Variants in NDUFS4 observed in about 807,000 individuals in gnomAD.
The protein encoded by NDUFS4 is NADH dehydrogenase [ubiquinone] iron-sulfur protein 4, mitochondrial.
NDUFS4 carries 28 observed loss-of-function variants against 24.3 expected under a neutral mutation model. The ratio of observed to expected loss-of-function variants is 1.15; its 90% confidence interval spans 0.85 to 1.58. The LOEUF (loss-of-function observed/expected upper bound fraction) is 1.58. Ranked by LOEUF, NDUFS4 falls within the 40% of genes most tolerant of loss-of-function variation. The pLI, the probability that NDUFS4 is intolerant of heterozygous loss-of-function variation, is 0.00. For synonymous variants in NDUFS4, 93 were observed against 69.7 expected, an observed-to-expected ratio of 1.34 and a Z score of -1.67; for missense variants, 223 against 207.9, an observed-to-expected ratio of 1.07 and a Z score of -0.45.
intron 4 of NDUFS4, among the ~76,000 whole-genome samples, chr5:53,665,880 A>G (rs539994103): frequency 7.7e-4 from 118 of 152,334 alleles, no homozygotes; most frequent in African/African-American, 2.4e-3. Flanking sequence ...CCGGTACCTC[A>G]GTTGGAAATG....
intron 2 of NDUFS4, among the ~76,000 whole-genome samples, chr5:53,629,265 C>T (rs565358123): frequency 6.6e-6 from 1 of 152,212 alleles, no homozygotes; most frequent in East Asian, 1.9e-4. Context: ...GATTTCTGTT[C>T]TTTTACATTT....
intron 1 of NDUFS4, among the ~76,000 whole-genome samples, chr5:53,571,950 A>G (rs1000932758): frequency 3.3e-5 from 5 of 152,224 alleles, no homozygotes; most frequent in Non-Finnish European, 4.4e-5. Flanking sequence ...ATGGGAAAAA[A>G]TATATCTCTC....
At chr5:53,590,726 G>T (rs79144023) in intron 1 of NDUFS4, among the ~76,000 whole-genome samples, 1 of 151,942 alleles carries the variant, frequency 6.6e-6, no homozygotes, top group Non-Finnish European at 1.5e-5. Context: ...TGTAAACCAG[G>T]GATTATCTGT....
At chr5:53,606,183 C>CA (rs1750498073) in intron 2 of NDUFS4, among the ~76,000 whole-genome samples, 1 of 151,718 alleles carries the variant, frequency 6.6e-6, no homozygotes, top group Non-Finnish European at 1.5e-5. Context: ...GACTCTGTCT[C>CA]AAAAAACAAA....
chr5:53,579,475 T>G (rs1749489886), intron 1 of NDUFS4, among the ~76,000 whole-genome samples: 1 of 152,174 alleles, frequency 6.6e-6, no homozygotes, highest in Non-Finnish European at 1.5e-5. Context: ...CCCCAGAACC[T>G]GAGAATGTTA....
In NDUFS4 at chr5:53,683,002, C is replaced by T. The variant is rs1056848632; in HGVS notation, c.425-116C>T. On this transcript the variant is annotated intron_variant, in intron 4 of 4. Transcript: ENST00000296684. ...TATCTCAGATGTGTTGACATATACT[C>T]TTGATGATAAATGAACATTAAGTTA... The T allele has an allele frequency of 3.8e-6, 3 of 787,882 alleles. No homozygotes were observed. The African/African-American group carries it at 5.1e-5, about 13-fold the overall frequency. The allele number at this position is 787,882 out of a possible 1,614,324, so 48.8% of individuals were successfully genotyped here.
chr5:53,586,764 C>T (rs1471794757), intron 1 of NDUFS4, among the ~76,000 whole-genome samples: 1 of 151,892 alleles, frequency 6.6e-6, no homozygotes, highest in East Asian at 1.9e-4. Context: ...ACCTTGTGAT[C>T]CGCCTGCCTT....
At chr5:53,597,619 G>A (rs546440046) in intron 1 of NDUFS4, among the ~76,000 whole-genome samples, 3 of 152,252 alleles carry the variant, frequency 2.0e-5, no homozygotes, top group Admixed American at 1.3e-4. Context: ...GTATTTTGAA[G>A]TGTTAAAAAC....
At chr5:53,661,858 CTT>C (rs1295923369) in intron 4 of NDUFS4, among the ~76,000 whole-genome samples, 1 of 152,152 alleles carries the variant, frequency 6.6e-6, no homozygotes, top group Admixed American at 6.5e-5. Context: ...TATCCTGAGA[CTT>C]TGCTGAAGTT....
intron 4 of NDUFS4, among the ~76,000 whole-genome samples, chr5:53,674,989 GT>G (rs1394081930): frequency 6.6e-6 from 1 of 151,908 alleles, no homozygotes; most frequent in African/African-American, 2.4e-5. Flanking sequence ...ATGTTTGTTA[GT>G]TGCTCTTAGA....
chr5:53,683,236 T>TATCTC lies in NDUFS4; in HGVS notation c.*16_*20dup, dbSNP rs763870154. Reference sequence around the variant, plus strand: ...CCACAAAATAGGTTGGCACTGACTATATCTCTGCTTGACTGTGAATAAAGT... The same window carrying TATCTC: ...CCACAAAATAGGTTGGCACTGACTATATCTCATCTCTGCTTGACTGTGAATAAAGT... On this transcript the variant is annotated 3_prime_UTR_variant, in exon 5 of 5. Transcript: ENST00000296684. 1.1e-5 allele frequency: 17 copies of TATCTC among 1,526,708 alleles called. No individual in the cohort carries two copies. In the Middle Eastern group the frequency reaches 1.0e-3, roughly 91 times the overall value. 94.6% of individuals were successfully genotyped at this position (1,526,708 alleles called of 1,614,324 possible).
At chr5:53,579,865 CAG>C (rs1047386914) in intron 1 of NDUFS4, among the ~76,000 whole-genome samples, 1 of 152,076 alleles carries the variant, frequency 6.6e-6, no homozygotes, top group African/African-American at 2.4e-5. Flanking sequence ...GAGTTGGAAG[CAG>C]AGATTGGAGT....
chr5:53,586,142 A>G (rs563784629), intron 1 of NDUFS4, among the ~76,000 whole-genome samples: 204 of 152,138 alleles, frequency 1.3e-3, no homozygotes, highest in African/African-American at 4.8e-3. Context: ...CAGCCTGACT[A>G]ACACGGCGAA....
At chr5:53,562,857 A>G (rs1452658465) in intron 1 of NDUFS4, among the ~76,000 whole-genome samples, 1 of 152,218 alleles carries the variant, frequency 6.6e-6, no homozygotes, top group Non-Finnish European at 1.5e-5. Flanking sequence ...AAACATTTGC[A>G]AATCATGTAA....
chr5:53,649,362 C>T (rs1041490114), intron 3 of NDUFS4, among the ~76,000 whole-genome samples: 5 of 152,124 alleles, frequency 3.3e-5, no homozygotes. Flanking sequence ...CCCCTTCTCC[C>T]TCTCCCCTCT....
chr5:53,650,211 T>C (rs1751978626), intron 3 of NDUFS4, among the ~76,000 whole-genome samples: 1 of 152,208 alleles, frequency 6.6e-6, no homozygotes, highest in South Asian at 2.1e-4. Flanking sequence ...ACTTGTGCCT[T>C]GTATACGCTA....
At chr5:53,635,348 CAA>C (rs5867886) in intron 2 of NDUFS4, among the ~76,000 whole-genome samples, 2 of 136,390 alleles carry the variant, frequency 1.5e-5, no homozygotes. Context: ...CCCATCTCTA[CAA>C]AAAAAAAAAA....
At chr5:53,680,831 A>T (rs891306111) in intron 4 of NDUFS4, among the ~76,000 whole-genome samples, 1 of 152,068 alleles carries the variant, frequency 6.6e-6, no homozygotes, top group African/African-American at 2.4e-5. Context: ...TGTACCCTAA[A>T]ACTTAGTATA....
intron 2 of NDUFS4, among the ~76,000 whole-genome samples, chr5:53,642,989 C>A (rs1377312541): frequency 6.6e-6 from 1 of 152,040 alleles, no homozygotes; most frequent in Non-Finnish European, 1.5e-5. Flanking sequence ...GGTTGTATTT[C>A]TGAAACTTTA....
Sources: gnomAD v4.1 joint callset for allele counts (sites outside exome capture counted in the v4.1 genomes callset) on GRCh38, gnomAD v4.1.1 for gene constraint, MANE v1.5 for transcripts, NCBI Gene and HGNC (gene_info 2026-07-23, HGNC 2026-07-21) for gene names.